RGL1: variants seen among roughly 807,000 people sequenced by gnomAD.
The protein encoded by RGL1 is ral guanine nucleotide dissociation stimulator like 1.
RGL1 carries 24 observed loss-of-function variants against 95.2 expected under a neutral mutation model. The ratio of observed to expected loss-of-function variants is 0.25; its 90% CI spans 0.18 to 0.35. RGL1 has a LOEUF of 0.35. RGL1 is among the 10% of genes least tolerant of loss of function. RGL1 has a pLI of 1.00. For missense variants in RGL1, 715 were observed against 936.3 expected, an observed-to-expected ratio of 0.76 and a Z score of 3.08; for synonymous variants, 329 against 344.9, an observed-to-expected ratio of 0.95 and a Z score of 0.51.
chr1:183,878,032 G>A (rs1338411276), intron 4 of RGL1, among the ~76,000 whole-genome samples: 1 of 152,146 alleles, frequency 6.6e-6, no homozygotes, highest in Admixed American at 6.5e-5. Context: ...CTGCCTTCCA[G>A]TAGAAGAATA....
chr1:183,710,550 T>C (rs1234802029), intron 1 of RGL1, among the ~76,000 whole-genome samples: 1 of 152,226 alleles, frequency 6.6e-6, no homozygotes, highest in Non-Finnish European at 1.5e-5. Context: ...TACCTGTGGC[T>C]GGGTGATTCA....
At position 183,782,916 on chromosome 1, in the gene RGL1, T is replaced by C. The variant is rs188598121; in HGVS notation, c.133-23459T>C. Among the ~76,000 whole-genome samples the C allele has an allele frequency of 2.6e-5, 4 of 152,158 alleles. No homozygotes were observed. In the East Asian group the frequency reaches 5.8e-4, roughly 22 times the overall value. ...ACAGGGAACAAGAGGCTGAGTATTG[T>C]ACTGGATGCAAGAATCAACTTTGCC... On this transcript the variant is annotated intron_variant, in intron 2 of 18. Coordinates refer to the RGL1 transcript ENST00000304685.
chr1:183,652,002 A>G (rs1650792399), intron 1 of RGL1, among the ~76,000 whole-genome samples: 1 of 152,212 alleles, frequency 6.6e-6, no homozygotes, highest in South Asian at 2.1e-4. Flanking sequence ...TACACCGGAC[A>G]TCCAGGTTAC....
intron 2 of RGL1, among the ~76,000 whole-genome samples, chr1:183,780,716 G>A (rs529033498): frequency 1.2e-4 from 18 of 152,300 alleles, no homozygotes; most frequent in African/African-American, 2.9e-4. Flanking sequence ...TACTTTCAGC[G>A]CGGTGGACTC....
chr1:183,862,339 G>T (rs1315526069), intron 3 of RGL1, among the ~76,000 whole-genome samples: 1 of 152,058 alleles, frequency 6.6e-6, no homozygotes, highest in East Asian at 1.9e-4. Context: ...TCCAGTCTGG[G>T]CAAGAGAGTG....
At chr1:183,799,673 G>A (rs1649837983) in intron 2 of RGL1, among the ~76,000 whole-genome samples, 1 of 152,172 alleles carries the variant, frequency 6.6e-6, no homozygotes, top group Non-Finnish European at 1.5e-5. Flanking sequence ...CTGTTGAGTT[G>A]TATGCGTTCC....
intron 3 of RGL1, among the ~76,000 whole-genome samples, chr1:183,849,482 AGTTTT>A (rs1288398788): frequency 0.039 from 3,845 of 99,300 alleles, 210 homozygotes; most frequent in African/African-American, 0.14. Flanking sequence ...TCCAGTTTTT[AGTTTT>A]TTTTTTTTTT....
chr1:183,910,784 G>A (rs1668601921), intron 14 of RGL1, among the ~76,000 whole-genome samples: 1 of 152,144 alleles, frequency 6.6e-6, no homozygotes. Flanking sequence ...GAGGTGAAAT[G>A]TTTTTCAAAT....
At chr1:183,662,012 C>A (rs912076772) in intron 1 of RGL1, among the ~76,000 whole-genome samples, 3 of 136,888 alleles carry the variant, frequency 2.2e-5, no homozygotes, top group African/African-American at 8.4e-5. Context: ...ATTCAACAAC[C>A]TTTCATGCTA....
chr1:183,789,638 C>G (rs1558208082), intron 2 of RGL1, among the ~76,000 whole-genome samples: 1 of 152,054 alleles, frequency 6.6e-6, no homozygotes, highest in African/African-American at 2.4e-5. Flanking sequence ...ATAAGCAAGG[C>G]TTTGGCTAAA....
chr1:183,715,875 G>A (rs1167130580), intron 1 of RGL1, among the ~76,000 whole-genome samples: 1 of 152,146 alleles, frequency 6.6e-6, no homozygotes, highest in Non-Finnish European at 1.5e-5. Context: ...TGGAGACTCA[G>A]GAGAGCTGAT....
In RGL1 at chr1:183,926,201, A is replaced by G; in HGVS notation, c.2216A>G (p.Gln739Arg). 6.2e-7 allele frequency: 1 copy of G among 1,614,142 alleles called. No homozygotes were observed. The highest frequency in any genetic ancestry group is 8.5e-7 in the Non-Finnish European group (1 of 1,179,994). Residue 739 changes from glutamine (Q) to arginine (R), a missense_variant, in exon 18 of 18, where the codon CAA becomes CGA. Physicochemically the swap from Gln to Arg is conservative, Grantham distance 43. This residue lies in a region of RGL1 where 330 missense variants were observed against 429.6 expected (regional missense o/e 0.77). Coordinates refer to ENST00000360851, the MANE Select transcript of RGL1 (RefSeq NM_001297671.3). ...CGCAAAAAGAACTCCATGGAAGAAC[A>G]AGTGAAACTGCGTAGCCGGACCAGC... is the stretch of plus-strand genomic sequence containing the variant. Reference protein sequence around the residue: ...ILRKKNSMEEQVKLRSRTSLT... With the variant: ...ILRKKNSMEERVKLRSRTSLT...
chr1:183,822,988 A>C (rs1417686611), intron 2 of RGL1, among the ~76,000 whole-genome samples: 1 of 152,128 alleles, frequency 6.6e-6, no homozygotes. Flanking sequence ...ACATCACTCA[A>C]ATTCTAGCTC....
At chr1:183,680,827 ATTTG>A (rs1212708376) in intron 1 of RGL1, among the ~76,000 whole-genome samples, 15 of 152,196 alleles carry the variant, frequency 9.9e-5, no homozygotes, top group Admixed American at 9.8e-4. Flanking sequence ...ATGTTTTTCC[ATTTG>A]TTTGTGTCCT....
chr1:183,658,433 C>A (rs570996279), intron 1 of RGL1, among the ~76,000 whole-genome samples: 1 of 152,208 alleles, frequency 6.6e-6, no homozygotes, highest in African/African-American at 2.4e-5. Flanking sequence ...GAGGGTCCTA[C>A]GCCCACGGAG....
At position 183,733,488 on chromosome 1, in the gene RGL1, C is replaced by T. The variant is rs139530874; in HGVS notation, c.-32-8638C>T. 1.9e-3 allele frequency among the ~76,000 whole-genome samples: 285 copies of T among 152,196 alleles called. 1 individual carries two copies. Among genetic ancestry groups the T allele is most frequent in the African/African-American group, 6.1e-3 (252 of 41,536 alleles). On this transcript the variant is annotated intron_variant, in intron 1 of 18. Transcript: ENST00000304685. The stretch of plus-strand genomic sequence containing the variant: ...ATCTGGGTTATTGAGTCTTTGATCC[C>T]ACATGGGAAAGGTTTGCCATGTTGA...
At position 183,685,132 on chromosome 1, in the gene RGL1, T is replaced by C. The variant is rs560956331; in HGVS notation, c.-33+48631T>C. ...GAGTAATGGAAATTGGAGAAATGTA[T>C]ACAGTACAGAACATTCTACATTGGC... On this transcript the variant is annotated intron_variant, in intron 1 of 18. Coordinates refer to the RGL1 transcript ENST00000304685. Among the ~76,000 whole-genome samples the C allele has an allele frequency of 2.3e-4, 35 of 152,272 alleles. No homozygotes were observed. The South Asian group carries it at 7.3e-3, about 32-fold the overall frequency.
At chr1:183,637,277 G>A (rs1214320960) in intron 1 of RGL1, among the ~76,000 whole-genome samples, 1 of 152,178 alleles carries the variant, frequency 6.6e-6, no homozygotes. Flanking sequence ...GATATATGGT[G>A]TTTTATCTCC....
intron 11 of RGL1, 148 bp from the exon 12 acceptor site, chr1:183,902,420 T>C (rs1668081998): frequency 5.6e-6 from 3 of 535,690 alleles, no homozygotes; most frequent in Admixed American, 3.7e-5. Flanking sequence ...AACAGGACTC[T>C]CTTCTTCCAC....
Sources: allele counts gnomAD v4.1 joint callset (sites outside exome capture counted in the v4.1 genomes callset), GRCh38; gene constraint gnomAD v4.1.1; regional missense constraint gnomAD v4.1.1; transcripts MANE v1.5; gene names NCBI Gene and HGNC (gene_info 2026-07-23, HGNC 2026-07-21).